The following FKBP8 variants were observed in gnomAD, a reference collection of about 807,000 sequenced individuals.
FKBP8 encodes the protein peptidyl-prolyl cis-trans isomerase FKBP8.
FKBP8 carries 5 observed loss-of-function variants against 41.7 expected under a neutral mutation model. That is an observed-to-expected ratio of 0.12 (90% CI 0.06 to 0.25). The LOEUF is 0.25. Ranked by LOEUF, FKBP8 falls within the 10% of genes least tolerant of loss-of-function variation. The pLI is 1.00. For missense variants in FKBP8, 397 were observed against 563.0 expected (o/e 0.71, Z 2.98); for synonymous variants, 279 against 254.5 (o/e 1.10, Z -0.92).
In FKBP8 at chr19:18,538,808, CTTTTTTTT is replaced by C. The variant is rs1165932658; in HGVS notation, c.552-380_552-373del. ...GACTACAGGTGTGCACCACACCCAG[CTTTTTTTT>C]TTTTTTTTTTTTTTTTTTGAGACAG... On this transcript the variant is annotated intron_variant, in intron 4 of 8. Transcript: ENST00000608443. The surrounding 1 kb of genome is among the most constrained non-coding windows in gnomAD (Gnocchi z 4.0). Among the ~76,000 whole-genome samples the C allele has an allele frequency of 2.0e-5, 2 of 102,206 alleles. No individual in the cohort carries two copies. Among genetic ancestry groups the C allele is most frequent in the Non-Finnish European group, 3.6e-5 (2 of 55,794 alleles). The allele number at this position is 102,206 out of a possible 152,430, so 67.1% of individuals were successfully genotyped here.
chr19:18,541,583 C>A (rs942964848), intron 2 of FKBP8, 96 bp downstream of exon 2: 15 of 1,506,790 alleles, frequency 1.0e-5, no homozygotes, highest in African/African-American at 1.4e-5. Flanking sequence ...GTGGTGACCA[C>A]GTGACTTCCA....
At chr19:18,534,343 C>T (rs993509115) in intron 6 of FKBP8, among the ~76,000 whole-genome samples, 6 of 152,124 alleles carry the variant, frequency 3.9e-5, no homozygotes, top group Non-Finnish European at 8.8e-5. Context: ...CAGCCAGGCT[C>T]CTGGCTACTC....
chr19:18,537,884 C>T lies in FKBP8; in HGVS notation c.773-111G>A, dbSNP rs1976615386. 1.6e-6 allele frequency: 2 copies of T among 1,241,716 alleles called. No homozygotes were observed. Among genetic ancestry groups the T allele is most frequent in the Admixed American group, 4.7e-5 (2 of 42,378 alleles). The allele number at this position is 1,241,716 out of a possible 1,614,324, so 76.9% of individuals were successfully genotyped here. On this transcript the variant is annotated intron_variant, in intron 5 of 8. Transcript: ENST00000608443. The surrounding 1 kb of genome is among the most constrained non-coding windows in gnomAD (Gnocchi z 4.4). ...TGGCCTCAGTTTCCCCAATTTTAAC[C>T]CCGGACCAAGGGCCACGCTTTCCTG...
In FKBP8 at chr19:18,538,808, C is replaced by CTT. The variant is rs1165932658; in HGVS notation, c.552-374_552-373dup. Among the ~76,000 whole-genome samples, 48 of 102,190 alleles carry CTT rather than the reference C, an allele frequency of 4.7e-4. 1 individual carries two copies. Among genetic ancestry groups the CTT allele is most frequent in the Non-Finnish European group, 6.8e-4 (38 of 55,786 alleles). 67.0% of individuals were successfully genotyped at this position (102,190 alleles called of 152,430 possible). ...GACTACAGGTGTGCACCACACCCAG[C>CTT]TTTTTTTTTTTTTTTTTTTTTTTTT... On this transcript the variant is annotated intron_variant, in intron 4 of 8. Coordinates refer to ENST00000608443, the MANE Select transcript of FKBP8 (RefSeq NM_012181.5). The surrounding 1 kb of genome is among the most constrained non-coding windows in gnomAD (Gnocchi z 4.0).
chr19:18,534,185 T>G (rs547505689), intron 6 of FKBP8, among the ~76,000 whole-genome samples: 1 of 131,924 alleles, frequency 7.6e-6, no homozygotes, highest in South Asian at 2.5e-4. Context: ...CGGGCGCCTG[T>G]AGTCCCAGCT....
Position 18,537,533 on chromosome 19 carries a change from G to T in FKBP8, c.945+68C>A. ...TTATATACCTATGCCTTTCTCAAAT[G>T]CAGGGTTGGGGACCACCCCGTATAC... On this transcript the variant is annotated intron_variant, in intron 6 of 8. Transcript: ENST00000608443. The surrounding 1 kb of genome is among the most constrained non-coding windows in gnomAD (Gnocchi z 4.4). The T allele has an allele frequency of 7.0e-7, 1 of 1,429,136 alleles. No individual in the cohort carries two copies. Among genetic ancestry groups the T allele is most frequent in the Non-Finnish European group, 9.3e-7 (1 of 1,074,160 alleles). The allele number at this position is 1,429,136 out of a possible 1,614,324, so 88.5% of individuals were successfully genotyped here.
At chr19:18,543,091 G>A in intron 1 of FKBP8, 2 of 241,542 alleles carry the variant, frequency 8.3e-6, no homozygotes, top group Admixed American at 7.6e-5. Flanking sequence ...CCCCCTTTCC[G>A]ATCCCATAAC....
Position 18,538,495 on chromosome 19 carries a change from GGGCT to G in FKBP8, c.552-63_552-60del. On this transcript the variant is annotated intron_variant, in intron 4 of 8. Transcript: ENST00000608443. The surrounding 1 kb of genome is among the most constrained non-coding windows in gnomAD (Gnocchi z 4.0). ...AGACCTGGTGACCCCTAAACCCGCTGGGCTGGCTAGGAAGGAGTGAGCTTGGCTC... is the reference window on the plus strand; with the variant it reads ...AGACCTGGTGACCCCTAAACCCGCTGGGCTAGGAAGGAGTGAGCTTGGCTC... 6.9e-7 allele frequency: 1 copy of G among 1,442,468 alleles called. No individual in the cohort carries two copies. 89.4% of individuals were successfully genotyped at this position (1,442,468 alleles called of 1,614,324 possible).
chr19:18,539,282 G>C, intron 4 of FKBP8, 89 bp downstream of exon 4: 1 of 1,170,624 alleles, frequency 8.5e-7, no homozygotes, highest in Non-Finnish European at 1.2e-6. Context: ...TATAAAATGG[G>C]CAAGTAGATG....
In FKBP8 at chr19:18,537,613, G is replaced by A; in HGVS notation, c.933C>T (p.Phe311=). The change falls in exon 6 of 9, where the codon TTC becomes TTT. Residue 311 remains phenylalanine, a synonymous_variant. Transcript: ENST00000608443. The surrounding 1 kb of genome is among the most constrained non-coding windows in gnomAD (Gnocchi z 4.4). The part of the protein sequence containing the change: ...EHQPDNIKAL[F]RKGKVLAQQG... ...CGGTGTGGCCTACCTTGCCCTTGCGGAAGAGAGCCTTGATGTTGTCTGGCT... is the reference window on the plus strand; with the variant it reads ...CGGTGTGGCCTACCTTGCCCTTGCGAAAGAGAGCCTTGATGTTGTCTGGCT... 1.9e-6 allele frequency: 3 copies of A among 1,600,166 alleles called. No homozygotes were observed. The highest frequency in any genetic ancestry group is 2.6e-6 in the Non-Finnish European group (3 of 1,171,172).
Position 18,538,024 on chromosome 19 carries a change from T to C in FKBP8, c.772+192A>G. On this transcript the variant is annotated intron_variant, in intron 5 of 8. Transcript: ENST00000608443. The surrounding 1 kb of genome is among the most constrained non-coding windows in gnomAD (Gnocchi z 4.0). ...CCCATCCCCATATCCACTTGCATTC[T>C]ACAACACTCCACTGGTCTGGGATAT... is the stretch of plus-strand genomic sequence containing the variant. 2.8e-6 allele frequency: 2 copies of C among 703,488 alleles called. No individual in the cohort carries two copies. The highest frequency in any genetic ancestry group is 4.7e-6 in the Non-Finnish European group (2 of 425,882). 43.6% of individuals were successfully genotyped at this position (703,488 alleles called of 1,614,324 possible).
In FKBP8 at chr19:18,539,450, G is replaced by A; in HGVS notation, c.472C>T (p.Leu158Phe). The change falls in exon 4 of 9, where the codon CTC becomes TTC. Residue 158 changes from leucine to phenylalanine, a missense_variant. Leu to Phe is a conservative substitution (Grantham distance 22). This residue lies in a region of FKBP8 where 225 missense variants were observed against 366.8 expected (regional missense o/e 0.61). Coordinates refer to ENST00000608443, the MANE Select transcript of FKBP8 (RefSeq NM_012181.5). Reference protein sequence around the residue: ...GDCDVIQALDLSVPLMDVGET... With the variant: ...GDCDVIQALDFSVPLMDVGET... ...CCCACGTCCATGAGTGGGACACTGA[G>A]ATCCAGGGCCTGGGGTGTGTGGGGA... 1 of 1,613,820 alleles carries A rather than the reference G, an allele frequency of 6.2e-7. No homozygotes were observed. Among genetic ancestry groups the A allele is most frequent in the South Asian group, 1.1e-5 (1 of 91,078 alleles).
Position 18,536,346 on chromosome 19 carries a change from ACT to A in FKBP8, c.945+1253_945+1254del, listed in dbSNP as rs1401062086. 5.9e-5 allele frequency among the ~76,000 whole-genome samples: 9 copies of A among 152,142 alleles called. No individual in the cohort carries two copies. The South Asian group carries it at 1.7e-3, about 28-fold the overall frequency. On this transcript the variant is annotated intron_variant, in intron 6 of 8. Transcript: ENST00000608443. ...AGATTCACCCCTATGTTCTGCCAGAACTTTTTTTTCTGTTCTCGTGTTTTGTT... is the reference window on the plus strand; with the variant it reads ...AGATTCACCCCTATGTTCTGCCAGAATTTTTTTCTGTTCTCGTGTTTTGTT...
intron 6 of FKBP8, among the ~76,000 whole-genome samples, chr19:18,534,609 T>C (rs1027063356): frequency 6.6e-6 from 1 of 151,354 alleles, no homozygotes. Flanking sequence ...AGAGACAGGG[T>C]CTTGATCGGT....
rs766755037 is a variant in FKBP8 at position 18,537,646 on chromosome 19, C to T, written c.900G>A (p.Leu300=). ...CCTTGATGTTGTCTGGCTGGTGCTC[C>T]AGCACAAGGCTGCAGGAGCGCAGGG... ...RAALRSCSLV[L]EHQPDNIKAL... Residue 300 remains leucine, a synonymous_variant, in exon 6 of 9, where the codon CTG becomes CTA. Transcript: ENST00000608443. The surrounding 1 kb of genome is among the most constrained non-coding windows in gnomAD (Gnocchi z 4.4). 6.2e-7 allele frequency: 1 copy of T among 1,611,608 alleles called. No homozygotes were observed. Among genetic ancestry groups the T allele is most frequent in the South Asian group, 1.1e-5 (1 of 90,892 alleles).
rs1021929836 is a variant in FKBP8, at chr19:18,543,467, A to C, written c.-26+19T>G. 4.3e-5 allele frequency: 6 copies of C among 137,958 alleles called. No homozygotes were observed. Among genetic ancestry groups the C allele is most frequent in the African/African-American group, 1.6e-4 (6 of 36,372 alleles). 8.5% of individuals were successfully genotyped at this position (137,958 alleles called of 1,614,324 possible). ...GCGGCCCGGCCGGCACGGCGCCCCC[A>C]GCACCCCAGGACACTTGCCTCTGGC... On this transcript the variant is annotated intron_variant, in intron 1 of 8. Transcript: ENST00000608443.
At chr19:18,540,055 C>T (rs1013836617) in intron 2 of FKBP8, among the ~76,000 whole-genome samples, 1 of 151,724 alleles carries the variant, frequency 6.6e-6, no homozygotes, top group African/African-American at 2.4e-5. Flanking sequence ...ATTTGAGAGG[C>T]CAATGTGGGA....
intron 8 of FKBP8, 97 bp from the exon 9 acceptor site, chr19:18,532,352 A>C: frequency 8.4e-7 from 1 of 1,192,308 alleles, no homozygotes; most frequent in Non-Finnish European, 1.2e-6. Context: ...CCTCCCAACA[A>C]ATCATTGCCT....
chr19:18,534,707 G>A (rs966847219), intron 6 of FKBP8, among the ~76,000 whole-genome samples: 23 of 151,648 alleles, frequency 1.5e-4, no homozygotes, highest in African/African-American at 3.6e-4. Context: ...TCAGCCTCCC[G>A]AGGAGCTGGG....
Sources: gnomAD v4.1 joint callset for allele counts (sites outside exome capture counted in the v4.1 genomes callset) on GRCh38, gnomAD v4.1.1 for gene constraint, gnomAD v4.1.1 regional missense constraint, Gnocchi (gnomAD v3.1) non-coding constraint, MANE v1.5 for transcripts, NCBI Gene and HGNC (gene_info 2026-07-23, HGNC 2026-07-21) for gene names.